Variants in GRIK5 observed in about 807,000 individuals in gnomAD.
GRIK5 encodes glutamate ionotropic receptor kainate type subunit 5, also known as glutamate receptor ionotropic, kainate 5.
GRIK5 carries 43 observed loss-of-function variants against 97.4 expected under a neutral mutation model. That is an observed-to-expected ratio of 0.44 (90% CI 0.35 to 0.57). The LOEUF (loss-of-function observed/expected upper bound fraction) is 0.57. GRIK5 is among the 20% of genes least tolerant of loss of function. The pLI is 0.01. For synonymous variants in GRIK5, 580 were observed against 583.5 expected (o/e 0.99, Z 0.09); for missense variants, 1,015 against 1,382.0 (o/e 0.73, Z 4.21).
At chr19:42,052,025 G>A (rs1000427259) in intron 11 of GRIK5, among the ~76,000 whole-genome samples, 11 of 152,104 alleles carry the variant, frequency 7.2e-5, no homozygotes, top group Admixed American at 2.0e-4. Flanking sequence ...GACTGGGACC[G>A]CCTCCCAGTG....
At chr19:42,056,571 T>C in intron 8 of GRIK5, 91 bp downstream of exon 8, 2 of 1,136,130 alleles carry the variant, frequency 1.8e-6, no homozygotes, top group Non-Finnish European at 2.6e-6. Context: ...GCGAGAGGGT[T>C]CTGAGCATGA....
intron 11 of GRIK5, among the ~76,000 whole-genome samples, chr19:42,052,637 G>A (rs1044882435): frequency 1.3e-5 from 2 of 152,246 alleles, no homozygotes; most frequent in African/African-American, 4.8e-5. Flanking sequence ...CAGAGTTACT[G>A]AGCGGCTCCC....
Position 42,061,038 on chromosome 19 carries a change from C to CTTTA in GRIK5, c.508+1446_508+1449dup, listed in dbSNP as rs371664494. ...CACAGAGCAGGTGCTTAATAAATAC[C>CTTTA]TTTATTTATTTATTTATTTATTTTT... is the stretch of plus-strand genomic sequence containing the variant. On this transcript the variant is annotated intron_variant, in intron 5 of 19. Coordinates refer to ENST00000593562, the MANE Select transcript of GRIK5 (RefSeq NM_002088.5). Among the ~76,000 whole-genome samples, 560 of 152,196 alleles carry CTTTA rather than the reference C, an allele frequency of 3.7e-3. 1 individual carries two copies. Among genetic ancestry groups the CTTTA allele is most frequent in the Non-Finnish European group, 5.1e-3 (344 of 67,990 alleles).
intron 15 of GRIK5, among the ~76,000 whole-genome samples, chr19:42,009,223 G>C (rs1555873483): frequency 6.6e-6 from 1 of 151,932 alleles, no homozygotes; most frequent in Admixed American, 6.6e-5. Context: ...AGACCTTATC[G>C]TTATTTTTTT....
At chr19:42,040,291 C>T (rs1829959041) in intron 12 of GRIK5, among the ~76,000 whole-genome samples, 1 of 152,186 alleles carries the variant, frequency 6.6e-6, no homozygotes, top group Non-Finnish European at 1.5e-5. Context: ...ACACAAAGGT[C>T]AGACAGCTGT....
intron 11 of GRIK5, among the ~76,000 whole-genome samples, chr19:42,047,206 A>AT (rs1483333912): frequency 6.6e-6 from 1 of 151,832 alleles, no homozygotes; most frequent in Non-Finnish European, 1.5e-5. Context: ...CAGTGTAACA[A>AT]TTTTTTTAAA....
chr19:42,038,564 C>T (rs553871937), intron 12 of GRIK5, among the ~76,000 whole-genome samples: 1 of 152,374 alleles, frequency 6.6e-6, no homozygotes, highest in East Asian at 1.9e-4. Context: ...AAAGCTCAGA[C>T]AAGGGCCTGG....
At position 42,031,657 on chromosome 19, in the gene GRIK5, C is replaced by T. The variant is rs374920016; in HGVS notation, c.1474-9303G>A. 4.1e-4 allele frequency among the ~76,000 whole-genome samples: 63 copies of T among 152,168 alleles called. No homozygotes were observed. The South Asian group carries it at 4.8e-3, about 12-fold the overall frequency. ...GGGAGTTGTCTAAGTAGCTAAAAGCCGATAAAAACACTCAATGCTGAGAAG... is the reference window on the plus strand; with the variant it reads ...GGGAGTTGTCTAAGTAGCTAAAAGCTGATAAAAACACTCAATGCTGAGAAG... On this transcript the variant is annotated intron_variant, in intron 12 of 19. Coordinates refer to ENST00000593562, the MANE Select transcript of GRIK5 (RefSeq NM_002088.5).
In GRIK5 at chr19:41,999,691, G is replaced by A. The variant is rs901240754; in HGVS notation, c.2515-392C>T. The stretch of plus-strand genomic sequence containing the variant: ...TTTACCTGTGGCCTGCTGTGTGCCC[G>A]GCACTGTTCTGAGCACTGGGGATAT... On this transcript the variant is annotated intron_variant, in intron 19 of 19. Coordinates refer to ENST00000593562, the MANE Select transcript of GRIK5 (RefSeq NM_002088.5). This position sits in a 1 kb window ranked among gnomAD's most constrained non-coding sequence, Gnocchi z 5.0. 7.2e-5 allele frequency among the ~76,000 whole-genome samples: 11 copies of A among 152,114 alleles called. No homozygotes were observed. The highest frequency in any genetic ancestry group is 6.5e-4 in the Admixed American group (10 of 15,278).
At position 41,999,452 on chromosome 19, in the gene GRIK5, C is replaced by T. The variant is rs112611549; in HGVS notation, c.2515-153G>A. ...CTTCCCACTTCTCTTCCCTTTATCT[C>T]CCCCGTGTTTTCTGCCTCCCCTCTC... On this transcript the variant is annotated intron_variant, in intron 19 of 19. Transcript: ENST00000593562. The surrounding 1 kb of genome is among the most constrained non-coding windows in gnomAD (Gnocchi z 5.0). 8.5e-3 allele frequency among the ~76,000 whole-genome samples: 1,299 copies of T among 152,104 alleles called. 22 individuals are homozygous for T. The highest frequency in any genetic ancestry group is 0.03 in the African/African-American group (1,242 of 41,484).
At chr19:42,032,025 G>A (rs1243625508) in intron 12 of GRIK5, among the ~76,000 whole-genome samples, 2 of 152,172 alleles carry the variant, frequency 1.3e-5, no homozygotes, top group Admixed American at 6.5e-5. Flanking sequence ...GGTGGAAGGA[G>A]CACCTGAGCC....
At position 42,005,724 on chromosome 19, in the gene GRIK5, C is replaced by T; in HGVS notation, c.2262G>A (p.Leu754=). The change falls in exon 17 of 20, where the codon CTG becomes CTA. Residue 754 remains leucine (L), a splice_region_variant and synonymous_variant. Transcript: ENST00000593562. ...GTTCCACACCGTGCTGTGCCGTACC[C>T]AGCGGCATGCCAATGCCGTAGCCCT... is the stretch of plus-strand genomic sequence containing the variant. ...DTKGYGIGMP[L]GSPFRDEITL... is the part of the protein sequence containing the mutation. 6.2e-7 allele frequency: 1 copy of T among 1,606,850 alleles called. No individual in the cohort carries two copies. Among genetic ancestry groups the T allele is most frequent in the Non-Finnish European group, 8.5e-7 (1 of 1,173,626 alleles).
intron 15 of GRIK5, among the ~76,000 whole-genome samples, chr19:42,018,149 T>TAAAAA (rs11452086): frequency 4.8e-5 from 3 of 62,802 alleles, no homozygotes; most frequent in Non-Finnish European, 5.4e-5. Flanking sequence ...CCATCTCTAC[T>TAAAAA]AAAAAAAAAA....
intron 12 of GRIK5, among the ~76,000 whole-genome samples, chr19:42,030,885 C>T (rs1482815523): frequency 2.0e-5 from 3 of 152,166 alleles, no homozygotes; most frequent in African/African-American, 7.2e-5. Context: ...ATCTGATCAG[C>T]ATACTGTTGT....
chr19:42,037,600 C>G (rs1176986824), intron 12 of GRIK5, among the ~76,000 whole-genome samples: 1 of 152,202 alleles, frequency 6.6e-6, no homozygotes, highest in Admixed American at 6.5e-5. Flanking sequence ...CTGAAGCTGG[C>G]TCCTTCTGGC....
intron 1 of GRIK5, 107 bp downstream of exon 1, chr19:42,069,133 GC>G: frequency 2.4e-6 from 1 of 411,390 alleles, no homozygotes; most frequent in Admixed American, 4.3e-5. Flanking sequence ...GAGGGTACTT[GC>G]CAGTCCGGAG....
intron 12 of GRIK5, among the ~76,000 whole-genome samples, chr19:42,028,427 A>T (rs973532496): frequency 1.3e-5 from 2 of 152,188 alleles, no homozygotes; most frequent in Non-Finnish European, 2.9e-5. Flanking sequence ...CGCTAGCGGG[A>T]GGTTGCCAGA....
chr19:42,025,391 T>A (rs1023822214), intron 12 of GRIK5, among the ~76,000 whole-genome samples: 3 of 151,894 alleles, frequency 2.0e-5, no homozygotes, highest in Non-Finnish European at 4.4e-5. Context: ...TGGCTGGGGG[T>A]GTCTGAGGTC....
At chr19:42,018,532 G>T (rs2075655440) in intron 15 of GRIK5, among the ~76,000 whole-genome samples, 3 of 150,882 alleles carry the variant, frequency 2.0e-5, no homozygotes, top group Admixed American at 2.0e-4. Flanking sequence ...GGTGGTGCAC[G>T]CCTGTAATCC....
Sources: allele counts gnomAD v4.1 joint callset (sites outside exome capture counted in the v4.1 genomes callset), GRCh38; gene constraint gnomAD v4.1.1; non-coding constraint Gnocchi (gnomAD v3.1); transcripts MANE v1.5; gene names NCBI Gene and HGNC (gene_info 2026-07-23, HGNC 2026-07-21).